The following C9orf72 variants were observed in gnomAD, a reference collection of about 807,000 sequenced individuals.
The protein encoded by C9orf72 is C9orf72-SMCR8 complex subunit.
C9orf72 carries 44 observed loss-of-function variants against 51.6 expected under a neutral mutation model. The ratio of observed to expected loss-of-function variants is 0.85; its 90% CI spans 0.67 to 1.10. The LOEUF is 1.10. C9orf72 is among the 50% of genes least tolerant of loss of function. C9orf72 has a pLI of 0.00. For missense variants in C9orf72, 607 were observed against 570.6 expected (o/e 1.06, Z -0.65); for synonymous variants, 213 against 194.2 (o/e 1.10, Z -0.81).
At chr9:27,552,515 A>AT (rs71492751) in intron 8 of C9orf72, among the ~76,000 whole-genome samples, 32,382 of 105,276 alleles carry the variant, frequency 0.31, 6,326 homozygotes, top group African/African-American at 0.49. Context: ...TACCAAGCTA[A>AT]TTTTTTTTTT....
intron 2 of C9orf72, among the ~76,000 whole-genome samples, 157 bp downstream of exon 2, chr9:27,566,520 C>A (rs189837127): frequency 2.0e-5 from 3 of 152,062 alleles, no homozygotes; most frequent in Admixed American, 2.0e-4. Context: ...AGGTATCAGA[C>A]CAGATGTATT....
intron 5 of C9orf72, 45 bp from the exon 6 acceptor site, chr9:27,560,344 A>AT: frequency 6.8e-7 from 1 of 1,481,132 alleles, no homozygotes; most frequent in East Asian, 2.3e-5. Context: ...CTATAAAACA[A>AT]TTTAACAAAC....
rs547132018 is a variant in C9orf72 at position 27,552,548 on chromosome 9, G to A, written c.1092-1841C>T. ...TTTTTTTTTTTTTTGTAGAGATGGGGTTTCACCATGCTGCCTAGGCTCGTC... is the reference window on the plus strand; with the variant it reads ...TTTTTTTTTTTTTTGTAGAGATGGGATTTCACCATGCTGCCTAGGCTCGTC... On this transcript the variant is annotated intron_variant, in intron 8 of 10. Coordinates refer to ENST00000380003, the MANE Select transcript of C9orf72 (RefSeq NM_018325.5). Among the ~76,000 whole-genome samples, 11 of 138,278 alleles carry A rather than the reference G, an allele frequency of 8.0e-5. No individual in the cohort carries two copies. In the Admixed American group the frequency reaches 8.0e-4, roughly 10 times the overall value. The allele number at this position is 138,278 out of a possible 152,430, so 90.7% of individuals were successfully genotyped here. A position where few individuals can be genotyped will look rare whatever the true frequency, so the allele number is the denominator to read the frequency against.
rs369688640 is a variant in C9orf72 at position 27,565,517 on chromosome 9, C to A, written c.504+14G>T. ...TGTGAGAAAAACATTTGACAGTATG[C>A]AATTTGCATATACCTGATCTTCCAT... On this transcript the variant is annotated intron_variant, in intron 3 of 10. Coordinates refer to ENST00000380003, the MANE Select transcript of C9orf72 (RefSeq NM_018325.5). The A allele has an allele frequency of 1.9e-5, 30 of 1,550,972 alleles. No homozygotes were observed. In the East Asian group the frequency reaches 3.8e-4, roughly 20 times the overall value.
At chr9:27,560,027 A>G (rs1457762386) in intron 6 of C9orf72, 200 bp downstream of exon 6, 8 of 325,112 alleles carry the variant, frequency 2.5e-5, no homozygotes, top group Non-Finnish European at 4.0e-5. Flanking sequence ...CGAGCTATCA[A>G]AATAAACTGA....
In C9orf72 at chr9:27,547,961, A is replaced by G; in HGVS notation, c.*275T>C. On this transcript the variant is annotated 3_prime_UTR_variant, in exon 11 of 11. Transcript: ENST00000380003. ...GTAGTTGTGGTCAAGTTTACATCCT[A>G]TTATTATATCTTTAAAAGATAGCAA... 4.5e-6 allele frequency: 1 copy of G among 224,316 alleles called. No individual in the cohort carries two copies. The highest frequency in any genetic ancestry group is 8.7e-5 in the East Asian group (1 of 11,432). 13.9% of individuals were successfully genotyped at this position (224,316 alleles called of 1,614,324 possible).
In C9orf72 at chr9:27,548,243, G is replaced by A; in HGVS notation, c.1439C>T (p.Thr480Ile). Residue 480 changes from threonine to isoleucine, a missense_variant, in exon 11 of 11, where the codon ACT (threonine) becomes ATT (isoleucine). Physicochemically the swap from Thr to Ile is moderately conservative, Grantham distance 89. Transcript: ENST00000380003. Reference sequence around the variant, plus strand: ...GCTTATTAAGTTACACATTTAAAAAGTCATTAGAACATCTCGTTCTTGCAC... The same window carrying A: ...GCTTATTAAGTTACACATTTAAAAAATCATTAGAACATCTCGTTCTTGCAC... ...TSVQERDVLM[T>I]F 1 of 1,605,280 alleles carries A rather than the reference G, an allele frequency of 6.2e-7. No individual in the cohort carries two copies. The highest frequency in any genetic ancestry group is 8.5e-7 in the Non-Finnish European group (1 of 1,175,540).
chr9:27,550,880 A>G (rs748701216), intron 8 of C9orf72, among the ~76,000 whole-genome samples, 173 bp from the exon 9 acceptor site: 2 of 152,184 alleles, frequency 1.3e-5, no homozygotes, highest in Non-Finnish European at 2.9e-5. Context: ...GACACAAAAT[A>G]TACATTCATT....
At chr9:27,560,542 T>G in intron 5 of C9orf72, 1 of 674,964 alleles carries the variant, frequency 1.5e-6, no homozygotes, top group Non-Finnish European at 1.9e-6. Flanking sequence ...ATCATTTAAT[T>G]AATGTATTTA....
At chr9:27,550,595 A>T in intron 9 of C9orf72, 55 bp downstream of exon 9, 1 of 1,128,770 alleles carries the variant, frequency 8.9e-7, no homozygotes, top group East Asian at 2.4e-5. Flanking sequence ...AGGATATATT[A>T]AAAAAGAAAA....
At chr9:27,560,062 T>A in intron 6 of C9orf72, 165 bp downstream of exon 6, 1 of 403,118 alleles carries the variant, frequency 2.5e-6, no homozygotes. Flanking sequence ...TCAGTTTATT[T>A]CAAACTCACT....
Position 27,546,931 on chromosome 9 carries a change from T to C in C9orf72, c.*1305A>G, listed in dbSNP as rs1348574837. 6.6e-6 allele frequency: 1 copy of C among 152,204 alleles called. No homozygotes were observed. Among genetic ancestry groups the C allele is most frequent in the Non-Finnish European group, 1.5e-5 (1 of 68,022 alleles). 9.4% of individuals were successfully genotyped at this position (152,204 alleles called of 1,614,324 possible). A position where few individuals can be genotyped will look rare whatever the true frequency, so the allele number is the denominator to read the frequency against. ...GTGGGTGGGGGGCAGAAGGGCTCTATTACCTTTATCCCTTTCTTATAAATA... is the reference window on the plus strand; with the variant it reads ...GTGGGTGGGGGGCAGAAGGGCTCTACTACCTTTATCCCTTTCTTATAAATA... On this transcript the variant is annotated 3_prime_UTR_variant, in exon 11 of 11. Coordinates refer to ENST00000380003, the MANE Select transcript of C9orf72 (RefSeq NM_018325.5).
chr9:27,564,152 AC>A (rs1819413884), intron 3 of C9orf72, among the ~76,000 whole-genome samples: 1 of 134,016 alleles, frequency 7.5e-6, no homozygotes, highest in Non-Finnish European at 1.6e-5. Flanking sequence ...AAGCTCAACA[AC>A]ACCAAAAAAA....
intron 5 of C9orf72, 112 bp downstream of exon 5, chr9:27,561,473 C>T: frequency 1.7e-6 from 2 of 1,178,904 alleles, no homozygotes; most frequent in Non-Finnish European, 2.3e-6. Flanking sequence ...CGTAATGTCC[C>T]TAGAACAATC....
intron 1 of C9orf72, among the ~76,000 whole-genome samples, chr9:27,570,350 C>T (rs700824): frequency 0.64 from 97,753 of 152,062 alleles, 32,619 homozygotes; most frequent in East Asian, 0.77. Context: ...AATTATATTG[C>T]AAACATATTT....
intron 1 of C9orf72, among the ~76,000 whole-genome samples, chr9:27,569,363 A>G (rs1819538072): frequency 6.6e-6 from 1 of 152,206 alleles, no homozygotes; most frequent in Admixed American, 6.5e-5. Flanking sequence ...TCACTGACTC[A>G]CCCAGAGCAA....
At chr9:27,551,187 A>T (rs1258245235) in intron 8 of C9orf72, among the ~76,000 whole-genome samples, 1 of 152,230 alleles carries the variant, frequency 6.6e-6, no homozygotes, top group Admixed American at 6.5e-5. Flanking sequence ...ATTAGAGAAC[A>T]CACTCCGATG....
intron 3 of C9orf72, among the ~76,000 whole-genome samples, chr9:27,565,292 G>GA (rs894625954): frequency 4.4e-4 from 66 of 150,366 alleles, no homozygotes; most frequent in Non-Finnish European, 8.4e-4. Context: ...TGGGCAAACA[G>GA]AAAAAAAAAG....
At position 27,560,272 on chromosome 9, in the gene C9orf72, A is replaced by T; in HGVS notation, c.693T>A (p.Cys231Ter). ...TGCTACCTACTACAACGGAACAGCC[A>T]CAGGTTTGCAAGTGTGAGCTGATGG... The part of the protein sequence containing the change: ...LNAISSHLQT[C>*]GCSVVVGSSA... The change falls in exon 6 of 11, where the codon TGT (cysteine) becomes TGA (stop). Residue 231 changes from cysteine to a stop codon, truncating the protein, a stop_gained. Coordinates refer to ENST00000380003, the MANE Select transcript of C9orf72 (RefSeq NM_018325.5). LOFTEE classifies it high-confidence loss of function. 1 of 1,610,726 alleles carries T rather than the reference A, an allele frequency of 6.2e-7. No individual in the cohort carries two copies. The highest frequency in any genetic ancestry group is 8.5e-7 in the Non-Finnish European group (1 of 1,178,060).
Sources: allele counts gnomAD v4.1 joint callset (sites outside exome capture counted in the v4.1 genomes callset), GRCh38; gene constraint gnomAD v4.1.1; transcripts MANE v1.5; gene names NCBI Gene and HGNC (gene_info 2026-07-23, HGNC 2026-07-21).